ZBTB20: variants seen among roughly 807,000 people sequenced by gnomAD.
ZBTB20 encodes the protein zinc finger and BTB domain containing 20.
Under a neutral mutation model 56.9 loss-of-function variants are expected in ZBTB20, and 9 were observed. The ratio of observed to expected loss-of-function variants is 0.16; its 90% CI spans 0.10 to 0.28. The LOEUF is 0.28. ZBTB20 is among the 10% of genes least tolerant of loss of function. The pLI is 1.00. For missense variants in ZBTB20, 655 were observed against 1,003.0 expected (o/e 0.65, Z 4.69); for synonymous variants, 417 against 420.7 (o/e 0.99, Z 0.11).
chr3:115,089,832 T>C (rs918402186), intron 1 of ZBTB20, among the ~76,000 whole-genome samples: 12 of 151,834 alleles, frequency 7.9e-5, no homozygotes, highest in African/African-American at 2.7e-4. Flanking sequence ...ATTTTAGCAT[T>C]ATAGGACAAG....
chr3:114,613,556 G>A (rs1349771250), intron 6 of ZBTB20, among the ~76,000 whole-genome samples: 1 of 152,140 alleles, frequency 6.6e-6, no homozygotes, highest in Non-Finnish European at 1.5e-5. Flanking sequence ...CAATGAGTAG[G>A]TAATAGGAGT....
At chr3:115,059,672 A>G (rs2081947136) in intron 2 of ZBTB20, among the ~76,000 whole-genome samples, 1 of 152,126 alleles carries the variant, frequency 6.6e-6, no homozygotes. Flanking sequence ...TTCTACCTGC[A>G]AATTCTACTG....
intron 4 of ZBTB20, among the ~76,000 whole-genome samples, chr3:114,893,137 T>C (rs1290194667): frequency 6.6e-6 from 1 of 151,846 alleles, no homozygotes; most frequent in Non-Finnish European, 1.5e-5. Context: ...AATTCTGGAG[T>C]GGAGTGTGTC....
intron 3 of ZBTB20, among the ~76,000 whole-genome samples, chr3:114,918,426 G>A (rs1481242653): frequency 1.3e-5 from 2 of 151,910 alleles, no homozygotes; most frequent in Admixed American, 6.6e-5. Context: ...TTCTCAAGCA[G>A]AAGTAGTCTC....
intron 10 of ZBTB20, among the ~76,000 whole-genome samples, chr3:114,356,539 G>A (rs997458426): frequency 2.6e-5 from 4 of 152,086 alleles, no homozygotes; most frequent in South Asian, 2.1e-4. Flanking sequence ...TATAAATTTC[G>A]GTCCAGTTAA....
At chr3:114,478,515 A>T (rs1258769129) in intron 7 of ZBTB20, among the ~76,000 whole-genome samples, 2 of 152,236 alleles carry the variant, frequency 1.3e-5, no homozygotes, top group Non-Finnish European at 2.9e-5. Context: ...AATAGCTATC[A>T]TGGTTTTAAA....
At chr3:115,055,585 TCA>T (rs900953198) in intron 2 of ZBTB20, among the ~76,000 whole-genome samples, 5 of 143,042 alleles carry the variant, frequency 3.5e-5, no homozygotes, top group Non-Finnish European at 7.8e-5. Flanking sequence ...ATCTGTTTCT[TCA>T]CCGTTACAAT....
At chr3:114,571,585 C>T (rs999135257) in intron 6 of ZBTB20, among the ~76,000 whole-genome samples, 2 of 152,106 alleles carry the variant, frequency 1.3e-5, no homozygotes, top group African/African-American at 4.8e-5. Context: ...TTTTGGTAGT[C>T]AAGCCACACA....
At chr3:114,564,713 C>T (rs986459288) in intron 6 of ZBTB20, among the ~76,000 whole-genome samples, 1 of 152,198 alleles carries the variant, frequency 6.6e-6, no homozygotes, top group Non-Finnish European at 1.5e-5. Context: ...TCTGCACTTC[C>T]TTCTCCTAAC....
chr3:115,079,441 T>C (rs2082717120), intron 1 of ZBTB20, among the ~76,000 whole-genome samples: 1 of 152,092 alleles, frequency 6.6e-6, no homozygotes, highest in Admixed American at 6.6e-5. Context: ...CAGGCTGGAG[T>C]GCAGTGGTGC....
At chr3:115,018,144 A>G (rs1170211414) in intron 2 of ZBTB20, among the ~76,000 whole-genome samples, 5 of 151,456 alleles carry the variant, frequency 3.3e-5, no homozygotes, top group East Asian at 2.0e-4. Flanking sequence ...AATATTTTCC[A>G]TTAGTAAAGA....
At chr3:115,072,000 C>G (rs1406566983) in intron 1 of ZBTB20, among the ~76,000 whole-genome samples, 1 of 152,130 alleles carries the variant, frequency 6.6e-6, no homozygotes, top group Non-Finnish European at 1.5e-5. Context: ...GCCAGCCGGA[C>G]ATTTTGAAAT....
At chr3:115,112,740 T>G (rs2108629589) in intron 1 of ZBTB20, among the ~76,000 whole-genome samples, 1 of 152,370 alleles carries the variant, frequency 6.6e-6, no homozygotes, top group Admixed American at 6.5e-5. Flanking sequence ...TCTTTGCTAC[T>G]ATGAATAGTG....
At chr3:114,725,126 T>C (rs565314756) in intron 5 of ZBTB20, among the ~76,000 whole-genome samples, 2 of 152,320 alleles carry the variant, frequency 1.3e-5, no homozygotes, top group African/African-American at 4.8e-5. Flanking sequence ...ATAACTACAG[T>C]GTGGCTTGAC....
intron 5 of ZBTB20, among the ~76,000 whole-genome samples, chr3:114,710,517 C>T (rs1390977818): frequency 6.6e-6 from 1 of 152,176 alleles, no homozygotes; most frequent in Admixed American, 6.5e-5. Flanking sequence ...CCTATAGCTC[C>T]CAACTCCATG....
At chr3:115,048,747 T>C (rs1247429077) in intron 2 of ZBTB20, among the ~76,000 whole-genome samples, 1 of 152,158 alleles carries the variant, frequency 6.6e-6, no homozygotes, top group African/African-American at 2.4e-5. Flanking sequence ...TACCCTTTGT[T>C]TACAAAGATG....
chr3:114,959,750 CACTT>C (rs939921991), intron 3 of ZBTB20, among the ~76,000 whole-genome samples: 35 of 148,106 alleles, frequency 2.4e-4, no homozygotes, highest in South Asian at 8.5e-4. Context: ...CACACACACA[CACTT>C]GGAGACTCTC....
At chr3:114,437,258 T>C (rs2090578483) in intron 7 of ZBTB20, among the ~76,000 whole-genome samples, 1 of 152,102 alleles carries the variant, frequency 6.6e-6, no homozygotes, top group South Asian at 2.1e-4. Context: ...ACTAAAAAAA[T>C]CCCTTGAGAG....
At chr3:114,661,904 C>T (rs72954525) in intron 6 of ZBTB20, among the ~76,000 whole-genome samples, 45,512 of 148,692 alleles carry the variant, frequency 0.31, 9,721 homozygotes, top group African/African-American at 0.61. Context: ...TTTTGCTTCT[C>T]TTTTTTTTTT....
Sources: gnomAD v4.1 joint callset for allele counts (sites outside exome capture counted in the v4.1 genomes callset) on GRCh38, gnomAD v4.1.1 for gene constraint, MANE v1.5 for transcripts, NCBI Gene and HGNC (gene_info 2026-07-23, HGNC 2026-07-21) for gene names.